Variants in NALF1 observed in about 807,000 individuals in gnomAD.
The protein encoded by NALF1 is NALCN channel auxiliary factor 1, also known as family with sequence similarity 155 member A.
In NALF1, 3 loss-of-function variants were observed where a neutral mutation model predicts 48.4. The ratio of observed to expected loss-of-function variants is 0.06; its 90% CI spans 0.03 to 0.16. The LOEUF (loss-of-function observed/expected upper bound fraction) is 0.16, where lower values mean the gene tolerates loss of function less well. Ranked by LOEUF, NALF1 falls within the 10% of genes least tolerant of loss-of-function variation. NALF1 has a pLI of 1.00. For synonymous variants in NALF1, 262 were observed against 245.7 expected, an observed-to-expected ratio of 1.07 and a Z score of -0.62; for missense variants, 526 against 571.5, an observed-to-expected ratio of 0.92 and a Z score of 0.81.
At chr13:107,324,519 T>A (rs1882314620) in intron 1 of NALF1, among the ~76,000 whole-genome samples, 1 of 152,148 alleles carries the variant, frequency 6.6e-6, no homozygotes, top group African/African-American at 2.4e-5. Context: ...CACATTCACA[T>A]GCAAAATTCT....
At chr13:107,190,174 A>G (rs998423454) in intron 2 of NALF1, among the ~76,000 whole-genome samples, 5 of 152,222 alleles carry the variant, frequency 3.3e-5, no homozygotes, top group African/African-American at 7.2e-5. Flanking sequence ...ATATTCTAGA[A>G]CACAGGAAAC....
chr13:107,776,813 G>A (rs191154491), intron 1 of NALF1, among the ~76,000 whole-genome samples: 27 of 152,260 alleles, frequency 1.8e-4, no homozygotes, highest in African/African-American at 5.8e-4. Flanking sequence ...AAAATTGGCC[G>A]GACATGTTGG....
intron 1 of NALF1, among the ~76,000 whole-genome samples, chr13:107,229,848 A>G (rs992394210): frequency 1.4e-4 from 21 of 152,154 alleles, no homozygotes; most frequent in Non-Finnish European, 2.5e-4. Context: ...TCCTCTTTCC[A>G]TTGCTGCCTC....
At chr13:107,240,605 T>C (rs1340731156) in intron 1 of NALF1, among the ~76,000 whole-genome samples, 1 of 152,174 alleles carries the variant, frequency 6.6e-6, no homozygotes, top group Non-Finnish European at 1.5e-5. Context: ...CTCTTAACTA[T>C]AAAACGTGCT....
chr13:107,502,829 T>A (rs148394572), intron 1 of NALF1, among the ~76,000 whole-genome samples: 1 of 152,298 alleles, frequency 6.6e-6, no homozygotes, highest in East Asian at 1.9e-4. Context: ...AAGTAATGAG[T>A]ATTTATTTTT....
chr13:107,490,593 G>T (rs942326420), intron 1 of NALF1, among the ~76,000 whole-genome samples: 7 of 152,106 alleles, frequency 4.6e-5, no homozygotes, highest in African/African-American at 1.7e-4. Flanking sequence ...GAGAGGATCA[G>T]GAAAAATAAC....
intron 1 of NALF1, among the ~76,000 whole-genome samples, chr13:107,716,637 G>A (rs1875829545): frequency 6.6e-6 from 1 of 152,186 alleles, no homozygotes; most frequent in South Asian, 2.1e-4. Context: ...GATATGCAGT[G>A]TCCAGCTTAG....
At chr13:107,500,079 C>T (rs1875467314) in intron 1 of NALF1, among the ~76,000 whole-genome samples, 1 of 152,098 alleles carries the variant, frequency 6.6e-6, no homozygotes, top group Non-Finnish European at 1.5e-5. Context: ...TACAACTGGG[C>T]TTGTCAGCTT....
chr13:107,176,559 G>A (rs547945453), intron 2 of NALF1, among the ~76,000 whole-genome samples: 84 of 151,916 alleles, frequency 5.5e-4, no homozygotes, highest in Middle Eastern at 3.4e-3. Flanking sequence ...GGAGAATGGC[G>A]TGAACCCGGG....
intron 1 of NALF1, among the ~76,000 whole-genome samples, chr13:107,734,401 TA>T (rs67690511): frequency 8.7e-4 from 127 of 145,784 alleles, no homozygotes; most frequent in South Asian, 1.7e-3. Flanking sequence ...ATTTTTCCTT[TA>T]AAAAAAAACA....
intron 1 of NALF1, among the ~76,000 whole-genome samples, chr13:107,624,790 C>T (rs1251319107): frequency 6.6e-6 from 1 of 152,168 alleles, no homozygotes; most frequent in Non-Finnish European, 1.5e-5. Flanking sequence ...GCTTTCTCAG[C>T]AAGGAATAAT....
chr13:107,228,664 G>A (rs1880157285), intron 1 of NALF1, among the ~76,000 whole-genome samples: 1 of 152,226 alleles, frequency 6.6e-6, no homozygotes, highest in South Asian at 2.1e-4. Flanking sequence ...CTGTTGCCTA[G>A]GGTGGAGTAC....
At chr13:107,454,515 C>T (rs534913738) in intron 1 of NALF1, among the ~76,000 whole-genome samples, 1 of 152,186 alleles carries the variant, frequency 6.6e-6, no homozygotes, top group South Asian at 2.1e-4. Flanking sequence ...GAAACCACCC[C>T]CATGATTCAA....
chr13:107,634,846 G>A (rs1279083521), intron 1 of NALF1, among the ~76,000 whole-genome samples: 2 of 152,050 alleles, frequency 1.3e-5, no homozygotes, highest in Non-Finnish European at 2.9e-5. Flanking sequence ...GAGAGCAAAT[G>A]GTCTACAATG....
At chr13:107,435,535 T>C (rs1285448116) in intron 1 of NALF1, among the ~76,000 whole-genome samples, 1 of 152,166 alleles carries the variant, frequency 6.6e-6, no homozygotes, top group Admixed American at 6.6e-5. Context: ...AATAATTACA[T>C]TTTAACTTGC....
At chr13:107,756,704 G>A (rs1486734499) in intron 1 of NALF1, among the ~76,000 whole-genome samples, 1 of 152,040 alleles carries the variant, frequency 6.6e-6, no homozygotes, top group Non-Finnish European at 1.5e-5. Flanking sequence ...CACGTCATGG[G>A]TCGGAGGCCA....
chr13:107,681,929 G>A (rs1370334196), intron 1 of NALF1, among the ~76,000 whole-genome samples: 1 of 152,066 alleles, frequency 6.6e-6, no homozygotes, highest in African/African-American at 2.4e-5. Context: ...CTTCCCAGTC[G>A]GCTCTTCTCA....
chr13:107,244,670 T>A (rs1403967519), intron 1 of NALF1, among the ~76,000 whole-genome samples: 1 of 152,222 alleles, frequency 6.6e-6, no homozygotes, highest in Non-Finnish European at 1.5e-5. Context: ...AAATTCTTCA[T>A]CGATGAAAAC....
chr13:107,724,809 G>GA (rs1291606403), intron 1 of NALF1, among the ~76,000 whole-genome samples: 1 of 152,024 alleles, frequency 6.6e-6, no homozygotes, highest in Non-Finnish European at 1.5e-5. Flanking sequence ...TCAAACTCCT[G>GA]AGCCCAAATG....
Sources: gnomAD v4.1 joint callset for allele counts (sites outside exome capture counted in the v4.1 genomes callset) on GRCh38, gnomAD v4.1.1 for gene constraint, MANE v1.5 for transcripts, NCBI Gene and HGNC (gene_info 2026-07-23, HGNC 2026-07-21) for gene names.